ZNF518A: variants seen among roughly 807,000 people sequenced by gnomAD.
The protein encoded by ZNF518A is zinc finger protein 518A.
ZNF518A carries 47 observed loss-of-function variants against 102.7 expected under a neutral mutation model. The observed-to-expected ratio is 0.46, with a 90% CI of 0.36 to 0.58. The LOEUF (loss-of-function observed/expected upper bound fraction) is 0.58. ZNF518A is among the 20% of genes least tolerant of loss of function. The pLI, the probability that ZNF518A is intolerant of heterozygous loss-of-function variation, is 0.00. For synonymous variants in ZNF518A, 652 were observed against 594.6 expected (o/e 1.10, Z -1.40); for missense variants, 1,793 against 1,699.8 (o/e 1.05, Z -0.96).
intron 1 of ZNF518A, chr10:96,196,776 A>C (rs587684099): frequency 1.1e-6 from 1 of 877,462 alleles, no homozygotes; most frequent in South Asian, 1.6e-5. Flanking sequence ...CTTGTTCTCT[A>C]TGACATTTAT....
At chr10:96,178,249 AG>A (rs1369492134) in intron 1 of ZNF518A, among the ~76,000 whole-genome samples, 3 of 152,156 alleles carry the variant, frequency 2.0e-5, no homozygotes, top group African/African-American at 7.2e-5. Context: ...GAATTCATGC[AG>A]AGTATGTTAT....
In ZNF518A at chr10:96,138,804, A is replaced by G. The variant is rs587611759; in HGVS notation, c.-302+5156A>G. 2.6e-5 allele frequency among the ~76,000 whole-genome samples: 4 copies of G among 152,316 alleles called. No individual in the cohort carries two copies. In the South Asian group the frequency reaches 6.2e-4, roughly 24 times the overall value. On this transcript the variant is annotated intron_variant, in intron 3 of 5. Transcript: ENST00000316045. ...GGTGATGTAGTAAAGGACATTACAGATGTAGTTCTCACCCTTACGCAACTT... is the reference window on the plus strand; with the variant it reads ...GGTGATGTAGTAAAGGACATTACAGGTGTAGTTCTCACCCTTACGCAACTT...
intron 1 of ZNF518A, among the ~76,000 whole-genome samples, chr10:96,194,793 C>T (rs1253204846): frequency 1.1e-4 from 2 of 19,024 alleles, no homozygotes; most frequent in East Asian, 2.3e-3. Context: ...TTTTTTGAGA[C>T]GGAGTCTCGC....
Position 96,200,935 on chromosome 10 carries a change from G to A in ZNF518A, n.36-2639G>A. ...CTTCTCAGAAGACATGCTCTTTCCT[G>A]CAGTTTCCTGGTAACAATTTAGTGA... On this transcript the variant is annotated intron_variant and non_coding_transcript_variant, in intron 1 of 2. Coordinates refer to the ZNF518A transcript ENST00000442635. This position sits in a 1 kb window ranked among gnomAD's most constrained non-coding sequence, Gnocchi z 4.3. The A allele has an allele frequency of 6.6e-7, 1 of 1,523,908 alleles. No homozygotes were observed. Among genetic ancestry groups the A allele is most frequent in the Non-Finnish European group, 9.1e-7 (1 of 1,098,040 alleles). The allele number at this position is 1,523,908 out of a possible 1,614,324, so 94.4% of individuals were successfully genotyped here.
rs1043556942 is a variant in ZNF518A, at chr10:96,183,421, G to T, written n.36-20153G>T. ...TTGTGATGTTAGGGTGTCAATTTTA[G>T]ATCTTTCCTGCTTTCTCTTGTGGGC... On this transcript the variant is annotated intron_variant and non_coding_transcript_variant, in intron 1 of 2. Transcript: ENST00000442635. Among the ~76,000 whole-genome samples the T allele has an allele frequency of 7.2e-5, 11 of 152,220 alleles. No individual in the cohort carries two copies. In the South Asian group the frequency reaches 2.3e-3, roughly 32 times the overall value.
downstream of ZNF518A, chr10:96,204,662 T>C: frequency 1.3e-6 from 2 of 1,591,266 alleles, no homozygotes; most frequent in East Asian, 2.2e-5. Flanking sequence ...GAAATGTCTG[T>C]CCTCATCCCA....
intron 1 of ZNF518A, among the ~76,000 whole-genome samples, chr10:96,183,311 C>T (rs2083251131): frequency 6.6e-6 from 1 of 152,042 alleles, no homozygotes; most frequent in Non-Finnish European, 1.5e-5. Context: ...GTCTTTAACT[C>T]CTTCAGTTCT....
chr10:96,193,937 A>G (rs587609328), intron 1 of ZNF518A, among the ~76,000 whole-genome samples: 6 of 152,348 alleles, frequency 3.9e-5, no homozygotes, highest in African/African-American at 1.4e-4. Context: ...TTTTTATTAT[A>G]GATACTTTAA....
intron 1 of ZNF518A, chr10:96,189,816 A>C (rs11188656): frequency 0.26 from 301,637 of 1,147,036 alleles, 45,231 homozygotes; most frequent in Admixed American, 0.32. Context: ...GATATCCTTA[A>C]GAGTTTCACA....
In ZNF518A at chr10:96,157,424, C is replaced by G. The variant is rs1554883435; in HGVS notation, c.1102C>G (p.His368Asp). 2 of 1,613,230 alleles carry G rather than the reference C, an allele frequency of 1.2e-6. No individual in the cohort carries two copies. Among genetic ancestry groups the G allele is most frequent in the Admixed American group, 3.3e-5 (2 of 59,858 alleles). The change falls in exon 6 of 6, where the codon CAT (histidine) becomes GAT (aspartate). Residue 368 changes from histidine to aspartate, a missense_variant. His to Asp is a moderately conservative substitution (Grantham distance 81). This residue lies in a region of ZNF518A where 1,741 missense variants were observed against 1,622.6 expected (regional missense o/e 1.07). Transcript: ENST00000316045. ...SEDQSHVVQE[H>D]LSEEKDERLH... ...AGACCAGAGCCATGTTGTTCAAGAG[C>G]ATTTAAGTGAAGAAAAGGATGAAAG...
rs1213250929 is a variant in ZNF518A, at chr10:96,153,512, A to G, written c.-301-1814A>G. 2.0e-5 allele frequency among the ~76,000 whole-genome samples: 3 copies of G among 152,136 alleles called. No individual in the cohort carries two copies. The South Asian group carries it at 6.2e-4, about 32-fold the overall frequency. ...CTTAAAATTTGAGGGCAAATAACAA[A>G]CCCCAAACTACCTAAAATACAAACT... On this transcript the variant is annotated intron_variant, in intron 3 of 5. Transcript: ENST00000316045.
At position 96,156,573 on chromosome 10, in the gene ZNF518A, CTA is replaced by C. The variant is rs782498408; in HGVS notation, c.253_254del (p.Ile85GlnfsTer16). The stretch of plus-strand genomic sequence containing the variant: ...AGTAAACAGCAGACTGCAAGAAAAT[CTA>C]TCAGTATAAAGACTGTAAGCTGTGT... On this transcript the variant is annotated frameshift_variant, in exon 6 of 6. Coordinates refer to ENST00000316045, the MANE Select transcript of ZNF518A (RefSeq NM_001330736.2). LOFTEE classifies it high-confidence loss of function. The C allele has an allele frequency of 1.9e-6, 3 of 1,613,356 alleles. No homozygotes were observed. Among genetic ancestry groups the C allele is most frequent in the Non-Finnish European group, 2.5e-6 (3 of 1,179,640 alleles).
At chr10:96,152,313 A>G (rs1368210539) in intron 3 of ZNF518A, among the ~76,000 whole-genome samples, 1 of 152,198 alleles carries the variant, frequency 6.6e-6, no homozygotes, top group Non-Finnish European at 1.5e-5. Flanking sequence ...CCTGTCTCAA[A>G]ATAAATAAGT....
downstream of ZNF518A, among the ~76,000 whole-genome samples, chr10:96,167,455 A>G (rs1554890496): frequency 6.6e-6 from 1 of 152,208 alleles, no homozygotes. Context: ...CCACCTCAAA[A>G]TAAATAAGTA....
intron 3 of ZNF518A, among the ~76,000 whole-genome samples, chr10:96,137,936 T>G (rs781966533): frequency 2.0e-5 from 3 of 152,194 alleles, no homozygotes; most frequent in Non-Finnish European, 2.9e-5. Flanking sequence ...AACTTTCCTA[T>G]TACTTTAACA....
chr10:96,189,921 A>G lies in ZNF518A; in HGVS notation n.36-13653A>G, dbSNP rs587761153. On this transcript the variant is annotated intron_variant and non_coding_transcript_variant, in intron 1 of 2. Coordinates refer to the ZNF518A transcript ENST00000442635. The stretch of plus-strand genomic sequence containing the variant: ...ACTGGCCCTGAACCACACTTCAACC[A>G]TAAAAGCACTGGTGGTGTTATTTCA... 1.0e-4 allele frequency: 102 copies of G among 988,552 alleles called. No homozygotes were observed. In the African/African-American group the frequency reaches 1.5e-3, roughly 15 times the overall value. The allele number at this position is 988,552 out of a possible 1,614,324, so 61.2% of individuals were successfully genotyped here.
intron 1 of ZNF518A, among the ~76,000 whole-genome samples, chr10:96,131,050 A>G (rs2081311020): frequency 6.6e-6 from 1 of 152,248 alleles, no homozygotes; most frequent in Non-Finnish European, 1.5e-5. Flanking sequence ...CAAGTAGTGT[A>G]TGTGAGCTGT....
intron 1 of ZNF518A, chr10:96,192,175 C>T: frequency 2.5e-6 from 4 of 1,571,172 alleles, no homozygotes; most frequent in Non-Finnish European, 3.5e-6. Context: ...CTCTCATTCT[C>T]AAGTTAGTAA....
chr10:96,134,035 G>A (rs1213754195), intron 3 of ZNF518A, among the ~76,000 whole-genome samples: 3 of 152,186 alleles, frequency 2.0e-5, no homozygotes, highest in Non-Finnish European at 4.4e-5. Flanking sequence ...TAAAGGTTGA[G>A]CATCCCAAAT....
Sources: gnomAD v4.1 joint callset for allele counts (sites outside exome capture counted in the v4.1 genomes callset) on GRCh38, gnomAD v4.1.1 for gene constraint, gnomAD v4.1.1 regional missense constraint, Gnocchi (gnomAD v3.1) non-coding constraint, MANE v1.5 for transcripts, NCBI Gene and HGNC (gene_info 2026-07-23, HGNC 2026-07-21) for gene names.